The following GGACT variants were observed in gnomAD, a reference collection of about 807,000 sequenced individuals.
GGACT encodes the protein gamma-glutamylamine cyclotransferase, also known as gamma-glutamylaminecyclotransferase.
For synonymous variants in GGACT, 118 were observed against 115.3 expected, an observed-to-expected ratio of 1.02 and a Z score of -0.15; for missense variants, 241 against 233.2, an observed-to-expected ratio of 1.03 and a Z score of -0.22.
In GGACT at chr13:100,553,237, G is replaced by A. The variant is rs539843887; in HGVS notation, c.-10-20636C>T. Reference sequence around the variant, plus strand: ...AGGGAAGACTGCGTGGCAGTTTTAGGAAAGCTGAGCCTGTGTGTCCCCAAG... The same window carrying A: ...AGGGAAGACTGCGTGGCAGTTTTAGAAAAGCTGAGCCTGTGTGTCCCCAAG... On this transcript the variant is annotated intron_variant, in intron 2 of 2. Coordinates refer to ENST00000683975, the MANE Select transcript of GGACT (RefSeq NM_001195087.2). Among the ~76,000 whole-genome samples the A allele has an allele frequency of 2.0e-5, 3 of 152,168 alleles. No homozygotes were observed. In the South Asian group the frequency reaches 6.2e-4, roughly 32 times the overall value.
At chr13:100,586,310 C>G (rs184118113) in intron 1 of GGACT, among the ~76,000 whole-genome samples, 24 of 152,202 alleles carry the variant, frequency 1.6e-4, no homozygotes, top group East Asian at 1.9e-4. Context: ...TATGGCCAAA[C>G]AAGACTTGTG....
chr13:100,585,417 C>T (rs1161389948), intron 1 of GGACT, among the ~76,000 whole-genome samples: 2 of 152,144 alleles, frequency 1.3e-5, no homozygotes, highest in Non-Finnish European at 2.9e-5. Flanking sequence ...CCTGCAAAGC[C>T]TGAAAGAGCT....
intron 2 of GGACT, among the ~76,000 whole-genome samples, chr13:100,543,125 A>C (rs905007464): frequency 6.6e-6 from 1 of 151,786 alleles, no homozygotes; most frequent in Non-Finnish European, 1.5e-5. Context: ...GACCAGGTGA[A>C]CCGAACAAGG....
At chr13:100,571,496 T>C (rs1231534738) in intron 2 of GGACT, among the ~76,000 whole-genome samples, 1 of 152,178 alleles carries the variant, frequency 6.6e-6, no homozygotes, top group Non-Finnish European at 1.5e-5. Context: ...ATTTTAATTT[T>C]TGTAGAGACG....
chr13:100,542,332 G>A (rs1390419412), intron 2 of GGACT, among the ~76,000 whole-genome samples: 8 of 152,190 alleles, frequency 5.3e-5, no homozygotes, highest in Non-Finnish European at 8.8e-5. Flanking sequence ...CTGTGGAAAC[G>A]TTGGGGAGAG....
Position 100,545,348 on chromosome 13 carries a change from A to T in GGACT, c.-10-12747T>A, listed in dbSNP as rs146971959. Reference sequence around the variant, plus strand: ...CTGGGGCAGAGGTGAAGTGACTCACACACAAGGCGACCCAGGCAAGGGCAG... The same window carrying T: ...CTGGGGCAGAGGTGAAGTGACTCACTCACAAGGCGACCCAGGCAAGGGCAG... On this transcript the variant is annotated intron_variant, in intron 2 of 2. Coordinates refer to ENST00000683975, the MANE Select transcript of GGACT (RefSeq NM_001195087.2). The surrounding 1 kb of genome is among the most constrained non-coding windows in gnomAD (Gnocchi z 4.4). Among the ~76,000 whole-genome samples the T allele has an allele frequency of 2.1e-4, 32 of 152,340 alleles. No homozygotes were observed. Among genetic ancestry groups the T allele is most frequent in the African/African-American group, 7.5e-4 (31 of 41,580 alleles).
chr13:100,560,313 C>T (rs1012666242), intron 2 of GGACT, among the ~76,000 whole-genome samples: 1 of 152,218 alleles, frequency 6.6e-6, no homozygotes, highest in Non-Finnish European at 1.5e-5. Flanking sequence ...TCCTCAACAG[C>T]AGCATCTGAA....
chr13:100,580,373 AG>A (rs1409118482), intron 2 of GGACT, among the ~76,000 whole-genome samples: 1 of 152,168 alleles, frequency 6.6e-6, no homozygotes, highest in Non-Finnish European at 1.5e-5. Flanking sequence ...GACACCGAGG[AG>A]GGGGCCATGT....
At chr13:100,569,828 C>G (rs7139723) in intron 2 of GGACT, among the ~76,000 whole-genome samples, 4,532 of 152,110 alleles carry the variant, frequency 0.03, 108 homozygotes, top group Middle Eastern at 0.058. Context: ...CCTAAATCAC[C>G]TCTCTCAAGT....
At chr13:100,585,387 T>C (rs1875536573) in intron 1 of GGACT, among the ~76,000 whole-genome samples, 1 of 152,144 alleles carries the variant, frequency 6.6e-6, no homozygotes, top group African/African-American at 2.4e-5. Flanking sequence ...AGCTGAGCAG[T>C]TGTGGCAGAG....
rs1283637582 is a variant in GGACT, at chr13:100,563,133, G to A, written c.-11+20692C>T. On this transcript the variant is annotated intron_variant, in intron 2 of 2. Transcript: ENST00000683975. Reference sequence around the variant, plus strand: ...GAAGCCACCCGGTCTGTGGCACTTGGTTGTAGCAACCCTAGTGAATGAATG... The same window carrying A: ...GAAGCCACCCGGTCTGTGGCACTTGATTGTAGCAACCCTAGTGAATGAATG... Among the ~76,000 whole-genome samples, 10 of 152,188 alleles carry A rather than the reference G, an allele frequency of 6.6e-5. No individual in the cohort carries two copies. In the East Asian group the frequency reaches 1.9e-3, roughly 29 times the overall value.
chr13:100,550,165 C>T (rs1404147319), intron 2 of GGACT, among the ~76,000 whole-genome samples: 3 of 152,118 alleles, frequency 2.0e-5, no homozygotes, highest in East Asian at 1.9e-4. Context: ...AACGCACGGC[C>T]GGCCACTGTG....
At chr13:100,565,350 T>C (rs2088801119) in intron 2 of GGACT, among the ~76,000 whole-genome samples, 2 of 152,302 alleles carry the variant, frequency 1.3e-5, no homozygotes, top group Non-Finnish European at 2.9e-5. Flanking sequence ...TCAACCTACC[T>C]GACAACGTTA....
At chr13:100,587,437 T>C (rs1280778293) in intron 1 of GGACT, among the ~76,000 whole-genome samples, 2 of 152,228 alleles carry the variant, frequency 1.3e-5, no homozygotes, top group African/African-American at 4.8e-5. Context: ...ACTCAGCTTT[T>C]ACAATACGAA....
intron 2 of GGACT, among the ~76,000 whole-genome samples, chr13:100,563,107 T>G (rs2088780191): frequency 6.6e-6 from 1 of 152,208 alleles, no homozygotes; most frequent in African/African-American, 2.4e-5. Context: ...GTTCTGTTGT[T>G]GAAGCCACCC....
At chr13:100,580,223 G>T (rs1354823610) in intron 2 of GGACT, 2 of 152,250 alleles carry the variant, frequency 1.3e-5, no homozygotes, top group African/African-American at 4.8e-5. Flanking sequence ...CTAATCCCTG[G>T]AACTTTTGAC....
At chr13:100,552,033 G>A (rs2088669279) in intron 2 of GGACT, among the ~76,000 whole-genome samples, 1 of 152,208 alleles carries the variant, frequency 6.6e-6, no homozygotes, top group Admixed American at 6.5e-5. Context: ...ACCCGCACCT[G>A]AGGGGCCCTT....
intron 2 of GGACT, among the ~76,000 whole-genome samples, chr13:100,549,570 A>G (rs2088638450): frequency 6.6e-6 from 1 of 152,274 alleles, no homozygotes; most frequent in Admixed American, 6.5e-5. Context: ...TGCCAGCGGC[A>G]GGGAGCTGGG....
At chr13:100,543,449 G>A (rs1276528396) in intron 2 of GGACT, among the ~76,000 whole-genome samples, 2 of 151,802 alleles carry the variant, frequency 1.3e-5, no homozygotes, top group East Asian at 1.9e-4. Context: ...CTTGTGATCC[G>A]CCCACCTCGG....
Sources: gnomAD v4.1 joint callset for allele counts (sites outside exome capture counted in the v4.1 genomes callset) on GRCh38, gnomAD v4.1.1 for gene constraint, Gnocchi (gnomAD v3.1) non-coding constraint, MANE v1.5 for transcripts, NCBI Gene and HGNC (gene_info 2026-07-23, HGNC 2026-07-21) for gene names.